NAT1: variants seen among roughly 807,000 people sequenced by gnomAD.
NAT1 encodes the protein N-acetyltransferase 1, also known as arylamine N-acetyltransferase 1.
For synonymous variants in NAT1, 144 were observed against 122.6 expected, an observed-to-expected ratio of 1.17 and a Z score of -1.16; for missense variants, 400 against 339.2, an observed-to-expected ratio of 1.18 and a Z score of -1.41.
At chr8:18,176,640 T>C (rs539358013) in intron 2 of NAT1, among the ~76,000 whole-genome samples, 1 of 152,138 alleles carries the variant, frequency 6.6e-6, no homozygotes, top group South Asian at 2.1e-4. Context: ...ATTTTTGAAA[T>C]CAGGAAATGT....
chr8:18,184,290 G>C (rs1175951719), intron 2 of NAT1, among the ~76,000 whole-genome samples: 2 of 152,196 alleles, frequency 1.3e-5, no homozygotes, highest in African/African-American at 4.8e-5. Context: ...TGGCCAAGGA[G>C]AGTTGCATTA....
At chr8:18,197,441 AGT>A (rs1418771677) in intron 2 of NAT1, among the ~76,000 whole-genome samples, 1 of 152,192 alleles carries the variant, frequency 6.6e-6, no homozygotes, top group Non-Finnish European at 1.5e-5. Context: ...AGACATCGGC[AGT>A]GTCTGGAGAC....
chr8:18,208,500 C>A (rs933985330), upstream of NAT1, among the ~76,000 whole-genome samples: 1 of 152,028 alleles, frequency 6.6e-6, no homozygotes, highest in Non-Finnish European at 1.5e-5. Context: ...AAAAAGAAAT[C>A]AGGAAAACAC....
intron 2 of NAT1, among the ~76,000 whole-genome samples, chr8:18,204,467 T>C (rs1803618850): frequency 6.6e-6 from 1 of 152,216 alleles, no homozygotes; most frequent in Admixed American, 6.5e-5. Context: ...AATCATGAAA[T>C]ATCTGAACCA....
At chr8:18,218,012 C>G (rs1804873563) in intron 1 of NAT1, among the ~76,000 whole-genome samples, 3 of 152,234 alleles carry the variant, frequency 2.0e-5, no homozygotes, top group Admixed American at 1.3e-4. Context: ...TCTGTATTGA[C>G]TGAGACCGTA....
intron 2 of NAT1, among the ~76,000 whole-genome samples, chr8:18,183,122 C>G (rs1371728829): frequency 2.0e-5 from 3 of 152,108 alleles, no homozygotes; most frequent in African/African-American, 7.2e-5. Context: ...AATGCACCAA[C>G]CAGAGGGGAG....
intron 2 of NAT1, among the ~76,000 whole-genome samples, chr8:18,220,934 G>A (rs1048343691): frequency 6.6e-6 from 1 of 152,194 alleles, no homozygotes; most frequent in African/African-American, 2.4e-5. Context: ...TATCCATAAG[G>A]CGCAATATGG....
At chr8:18,187,669 G>A (rs186271298) in intron 2 of NAT1, among the ~76,000 whole-genome samples, 48 of 151,978 alleles carry the variant, frequency 3.2e-4, no homozygotes, top group Non-Finnish European at 5.3e-4. Flanking sequence ...ACATGGACAC[G>A]AAGAAGGGAA....
rs367949047 is a variant in NAT1, at chr8:18,214,167, A to AT, written c.-86+3987_-86+3988insT. Among the ~76,000 whole-genome samples the AT allele has an allele frequency of 2.5e-3, 381 of 152,278 alleles. 6 individuals carry two copies. Among genetic ancestry groups the AT allele is most frequent in the Admixed American group, 0.015 (230 of 15,294 alleles). ...CCAAAATGGCTTGTTCAAAAGCCAT[A>AT]ACTCTCATAACTTTTCTACTCTTTG... On this transcript the variant is annotated intron_variant, in intron 1 of 2. Coordinates refer to ENST00000307719, the MANE Select transcript of NAT1 (RefSeq NM_000662.8).
At chr8:18,175,853 C>T (rs75973987) in intron 2 of NAT1, among the ~76,000 whole-genome samples, 8,904 of 152,142 alleles carry the variant, frequency 0.059, 876 homozygotes, top group African/African-American at 0.2. Context: ...TTCCTATTCT[C>T]CAGATCCTTG....
At chr8:18,205,404 G>A (rs1044141404), upstream of NAT1, among the ~76,000 whole-genome samples, 2 of 152,188 alleles carry the variant, frequency 1.3e-5, no homozygotes, top group Non-Finnish European at 2.9e-5. Context: ...TCTGTGCCCT[G>A]TAACAGGAGT....
chr8:18,182,194 GTCT>G (rs1802548994), intron 2 of NAT1, among the ~76,000 whole-genome samples: 1 of 152,148 alleles, frequency 6.6e-6, no homozygotes, highest in Non-Finnish European at 1.5e-5. Context: ...TTTTGAAGGT[GTCT>G]TCTTGCAAGG....
intron 2 of NAT1, among the ~76,000 whole-genome samples, chr8:18,173,582 T>G (rs1802179605): frequency 1.3e-5 from 2 of 152,142 alleles, no homozygotes; most frequent in Admixed American, 1.3e-4. Context: ...CAGAAAATAG[T>G]CTCACCTCTT....
intron 2 of NAT1, among the ~76,000 whole-genome samples, chr8:18,196,534 C>G (rs1803242050): frequency 6.6e-6 from 1 of 152,178 alleles, no homozygotes; most frequent in Non-Finnish European, 1.5e-5. Context: ...ACTATCTCCA[C>G]TCAATATTTT....
At chr8:18,195,779 C>A (rs950818357) in intron 2 of NAT1, among the ~76,000 whole-genome samples, 1 of 152,094 alleles carries the variant, frequency 6.6e-6, no homozygotes, top group African/African-American at 2.4e-5. Flanking sequence ...GCACTCAGAG[C>A]CCATAAACCC....
chr8:18,170,902 T>A (rs1282252365), intron 2 of NAT1, among the ~76,000 whole-genome samples: 1 of 152,154 alleles, frequency 6.6e-6, no homozygotes, highest in African/African-American at 2.4e-5. Flanking sequence ...TCCTTTTTTT[T>A]TTCTTTCTTT....
At chr8:18,204,656 A>G (rs1465389447) in intron 2 of NAT1, among the ~76,000 whole-genome samples, 1 of 152,222 alleles carries the variant, frequency 6.6e-6, no homozygotes. Context: ...ACAGATATAG[A>G]CAGTTCAAAA....
upstream of NAT1, among the ~76,000 whole-genome samples, chr8:18,206,275 T>C (rs1489417302): frequency 6.6e-6 from 1 of 152,090 alleles, no homozygotes; most frequent in Admixed American, 6.6e-5. Flanking sequence ...TTCCCAGGTT[T>C]CCCCCTCTCA....
At chr8:18,215,705 A>T (rs1333746188) in intron 1 of NAT1, among the ~76,000 whole-genome samples, 1 of 151,770 alleles carries the variant, frequency 6.6e-6, no homozygotes, top group African/African-American at 2.4e-5. Flanking sequence ...TTTTCTTCTA[A>T]TCCCAATCTC....
Sources: gnomAD v4.1 joint callset for allele counts (sites outside exome capture counted in the v4.1 genomes callset) on GRCh38, gnomAD v4.1.1 for gene constraint, MANE v1.5 for transcripts, NCBI Gene and HGNC (gene_info 2026-07-23, HGNC 2026-07-21) for gene names.